The following CACNB4 variants were observed in gnomAD, a reference collection of about 807,000 sequenced individuals.
CACNB4 encodes voltage-dependent L-type calcium channel subunit beta-4.
In CACNB4, 32 loss-of-function variants were observed where a neutral mutation model predicts 71.2. The ratio of observed to expected loss-of-function variants is 0.45; its 90% confidence interval spans 0.34 to 0.60. CACNB4 has a LOEUF of 0.60. CACNB4 is among the 20% of genes least tolerant of loss of function. CACNB4 has a pLI of 0.01. For missense variants in CACNB4, 464 were observed against 647.9 expected (o/e 0.72, Z 3.08); for synonymous variants, 231 against 236.9 (o/e 0.97, Z 0.23).
chr2:152,086,829 T>C (rs1250970701), intron 2 of CACNB4, among the ~76,000 whole-genome samples: 1 of 152,194 alleles, frequency 6.6e-6, no homozygotes, highest in East Asian at 1.9e-4. Context: ...TTGATTTCCA[T>C]GCAGGTTAAA....
intron 13 of CACNB4, among the ~76,000 whole-genome samples, chr2:151,840,947 A>T (rs1467846884): frequency 6.6e-6 from 1 of 152,200 alleles, no homozygotes; most frequent in Non-Finnish European, 1.5e-5. Context: ...TTGTACCATA[A>T]GGTCTCTGGT....
At chr2:151,905,734 G>A (rs2099854643) in intron 2 of CACNB4, among the ~76,000 whole-genome samples, 1 of 152,198 alleles carries the variant, frequency 6.6e-6, no homozygotes, top group African/African-American at 2.4e-5. Context: ...CAGCGAGCTT[G>A]ACAGCTAAAG....
rs1439604327 is a variant in CACNB4 at position 152,044,981 on chromosome 2, C to T, written c.147+53349G>A. 2.6e-5 allele frequency among the ~76,000 whole-genome samples: 4 copies of T among 151,494 alleles called. No homozygotes were observed. In the East Asian group the frequency reaches 5.8e-4, roughly 22 times the overall value. On this transcript the variant is annotated intron_variant, in intron 2 of 13. Coordinates refer to ENST00000539935, the MANE Select transcript of CACNB4 (RefSeq NM_000726.5). ...AAGAGACGGTGGGGGGTTGGTGGGGCGGAGGAGAGAGATTTAGTGGAGAGA... is the reference window on the plus strand; with the variant it reads ...AAGAGACGGTGGGGGGTTGGTGGGGTGGAGGAGAGAGATTTAGTGGAGAGA...
At chr2:151,927,351 A>G (rs1188830878) in intron 2 of CACNB4, among the ~76,000 whole-genome samples, 1 of 152,188 alleles carries the variant, frequency 6.6e-6, no homozygotes, top group East Asian at 1.9e-4. Flanking sequence ...AGGCTGGGCT[A>G]AGATAGGTAT....
intron 2 of CACNB4, among the ~76,000 whole-genome samples, chr2:152,064,223 G>A (rs924008552): frequency 7.9e-5 from 12 of 152,266 alleles, no homozygotes; most frequent in Non-Finnish European, 1.0e-4. Context: ...CATCTGAATC[G>A]GATGTCTCCC....
intron 2 of CACNB4, among the ~76,000 whole-genome samples, chr2:152,062,251 A>C (rs1304642101): frequency 1.3e-5 from 2 of 152,064 alleles, no homozygotes; most frequent in Non-Finnish European, 2.9e-5. Flanking sequence ...AGAAAAAAAA[A>C]CTAGCTAGAG....
intron 9 of CACNB4, chr2:151,861,854 A>AAAAAAAAAAAAAAAC (rs1559883066): frequency 1.6e-4 from 24 of 150,152 alleles, no homozygotes; most frequent in African/African-American, 5.8e-4. Flanking sequence ...AAAAAAAAAA[A>AAAAAAAAAAAAAAAC]AAAACTGAAG....
intron 2 of CACNB4, among the ~76,000 whole-genome samples, chr2:152,090,840 A>C (rs1687928963): frequency 6.6e-6 from 1 of 151,928 alleles, no homozygotes. Context: ...GAAGTCAGGC[A>C]TTCAAGACCA....
At chr2:151,948,224 T>A (rs903122341) in intron 2 of CACNB4, among the ~76,000 whole-genome samples, 4 of 152,198 alleles carry the variant, frequency 2.6e-5, no homozygotes, top group African/African-American at 9.7e-5. Context: ...GCCTTGCAGT[T>A]TAGCTGCAAT....
intron 2 of CACNB4, among the ~76,000 whole-genome samples, chr2:151,950,193 G>C (rs900246391): frequency 2.6e-5 from 4 of 152,128 alleles, no homozygotes; most frequent in African/African-American, 9.6e-5. Flanking sequence ...AGATGGACCT[G>C]GGGAGACATT....
At chr2:151,963,499 G>A (rs1185577288) in intron 2 of CACNB4, among the ~76,000 whole-genome samples, 2 of 152,080 alleles carry the variant, frequency 1.3e-5, no homozygotes, top group African/African-American at 4.8e-5. Context: ...TATCACAACA[G>A]AGAGTAAATA....
At chr2:151,935,333 C>T (rs2099862669) in intron 2 of CACNB4, among the ~76,000 whole-genome samples, 1 of 152,192 alleles carries the variant, frequency 6.6e-6, no homozygotes, top group East Asian at 1.9e-4. Flanking sequence ...TCAGTTTCTT[C>T]ATTCGTAATA....
At chr2:151,887,977 T>C (rs1035001246) in intron 2 of CACNB4, among the ~76,000 whole-genome samples, 2 of 151,822 alleles carry the variant, frequency 1.3e-5, no homozygotes, top group African/African-American at 4.8e-5. Flanking sequence ...TATTGAGGTA[T>C]AACTTACATA....
intron 2 of CACNB4, among the ~76,000 whole-genome samples, chr2:152,040,640 C>T (rs1319511366): frequency 6.6e-6 from 1 of 152,160 alleles, no homozygotes; most frequent in African/African-American, 2.4e-5. Flanking sequence ...CGAGGTTTCA[C>T]CATGTTGACC....
chr2:152,045,554 T>C (rs1157478602), intron 2 of CACNB4, among the ~76,000 whole-genome samples: 1 of 152,092 alleles, frequency 6.6e-6, no homozygotes, highest in East Asian at 1.9e-4. Flanking sequence ...ATGTACTTAG[T>C]GCCATTGAAT....
chr2:152,020,782 C>T (rs1198715111), intron 2 of CACNB4, among the ~76,000 whole-genome samples: 1 of 152,132 alleles, frequency 6.6e-6, no homozygotes, highest in African/African-American at 2.4e-5. Flanking sequence ...GAAAGGAAAG[C>T]ACAAGGCATT....
intron 10 of CACNB4, among the ~76,000 whole-genome samples, chr2:151,856,287 T>C (rs1410234144): frequency 1.3e-5 from 2 of 152,020 alleles, no homozygotes; most frequent in Non-Finnish European, 2.9e-5. Flanking sequence ...ATTATACTAT[T>C]TGATTTTCAG....
chr2:152,092,017 T>C lies in CACNB4; in HGVS notation c.147+6313A>G, dbSNP rs530852241. Among the ~76,000 whole-genome samples, 5 of 152,214 alleles carry C rather than the reference T, an allele frequency of 3.3e-5. No individual in the cohort carries two copies. In the South Asian group the frequency reaches 1.0e-3, roughly 32 times the overall value. On this transcript the variant is annotated intron_variant, in intron 2 of 13. Coordinates refer to ENST00000539935, the MANE Select transcript of CACNB4 (RefSeq NM_000726.5). ...ATATGTCCTTGCATGTATCCACACC[T>C]GTGTGAGTTTGTGTGTTTGGCTTGT...
At chr2:151,986,482 C>T (rs1560110634) in intron 2 of CACNB4, among the ~76,000 whole-genome samples, 1 of 152,126 alleles carries the variant, frequency 6.6e-6, no homozygotes, top group Non-Finnish European at 1.5e-5. Context: ...AACCCACTCC[C>T]AATCCCACTC....
Sources: gnomAD v4.1 joint callset for allele counts (sites outside exome capture counted in the v4.1 genomes callset) on GRCh38, gnomAD v4.1.1 for gene constraint, MANE v1.5 for transcripts, NCBI Gene and HGNC (gene_info 2026-07-23, HGNC 2026-07-21) for gene names.